The following SNX29 variants were observed in gnomAD, a reference collection of about 807,000 sequenced individuals.
SNX29 encodes sorting nexin-29.
Under a neutral mutation model 102.1 loss-of-function variants are expected in SNX29, and 78 were observed. The observed-to-expected ratio is 0.76, with a 90% confidence interval of 0.64 to 0.92. The LOEUF is 0.92. Ranked by LOEUF, SNX29 falls within the 40% of genes least tolerant of loss-of-function variation. SNX29 has a pLI of 0.00. For missense variants in SNX29, 1,280 were observed against 1,061.7 expected, an observed-to-expected ratio of 1.21 and a Z score of -2.86; for synonymous variants, 580 against 414.5, an observed-to-expected ratio of 1.40 and a Z score of -4.85.
At chr16:12,340,451 G>T (rs964157538) in intron 15 of SNX29, among the ~76,000 whole-genome samples, 2 of 152,224 alleles carry the variant, frequency 1.3e-5, no homozygotes, top group African/African-American at 4.8e-5. Flanking sequence ...TGTATCCCCA[G>T]TGTCTAGACA....
chr16:12,371,834 G>A (rs888697899), intron 16 of SNX29, among the ~76,000 whole-genome samples: 1 of 151,894 alleles, frequency 6.6e-6, no homozygotes, highest in African/African-American at 2.4e-5. Context: ...CCTGACTCTC[G>A]CCTTCGCCCT....
intron 14 of SNX29, among the ~76,000 whole-genome samples, chr16:12,247,265 A>T (rs2142349551): frequency 6.6e-6 from 1 of 152,306 alleles, no homozygotes; most frequent in Non-Finnish European, 1.5e-5. Context: ...GGGAATTAAA[A>T]TAAGTTCAAA....
intron 16 of SNX29, chr16:12,367,568 T>C (rs1423833242): frequency 6.6e-6 from 1 of 152,204 alleles, no homozygotes; most frequent in Non-Finnish European, 1.5e-5. Context: ...TACAATAAAA[T>C]GCTCCCTGGG....
At chr16:12,203,951 T>A (rs925919899) in intron 14 of SNX29, among the ~76,000 whole-genome samples, 2 of 152,214 alleles carry the variant, frequency 1.3e-5, no homozygotes, top group African/African-American at 4.8e-5. Context: ...TCCCTCACTG[T>A]CAGTCCTGTG....
At chr16:12,186,731 C>T (rs923431996) in intron 13 of SNX29, among the ~76,000 whole-genome samples, 8 of 152,086 alleles carry the variant, frequency 5.3e-5, no homozygotes, top group South Asian at 2.1e-4. Flanking sequence ...TTTTCTGGGT[C>T]CCTCTTCTGG....
intron 16 of SNX29, among the ~76,000 whole-genome samples, chr16:12,376,523 G>T (rs1290694857): frequency 6.6e-6 from 1 of 151,968 alleles, no homozygotes; most frequent in Non-Finnish European, 1.5e-5. Flanking sequence ...ATCATTTGAG[G>T]TCAGGAGTTT....
intron 14 of SNX29, among the ~76,000 whole-genome samples, chr16:12,208,944 T>G (rs927063765): frequency 1.3e-5 from 2 of 152,120 alleles, no homozygotes; most frequent in African/African-American, 4.8e-5. Context: ...GTACTTAGCT[T>G]TGTTAGGGGC....
intron 20 of SNX29, among the ~76,000 whole-genome samples, chr16:12,565,946 C>G (rs1053895875): frequency 6.6e-6 from 1 of 152,176 alleles, no homozygotes; most frequent in Non-Finnish European, 1.5e-5. Context: ...GTCTGCCCTC[C>G]CCATCCTCAA....
At chr16:12,345,585 C>T (rs778179168) in intron 15 of SNX29, among the ~76,000 whole-genome samples, 3 of 152,146 alleles carry the variant, frequency 2.0e-5, no homozygotes, top group Non-Finnish European at 4.4e-5. Context: ...AGTAAGTGCT[C>T]AGAAAACAGT....
In SNX29 at chr16:12,541,603, C is replaced by G. The variant is rs566040752; in HGVS notation, c.2318+16762C>G. The stretch of plus-strand genomic sequence containing the variant: ...GCCAGACCTCAACCCTGAGGTCACA[C>G]TCTGGGCCACATCTCTGTCGGGGTC... On this transcript the variant is annotated intron_variant, in intron 20 of 20. Coordinates refer to ENST00000566228, the MANE Select transcript of SNX29 (RefSeq NM_032167.5). Among the ~76,000 whole-genome samples, 362 of 152,302 alleles carry G rather than the reference C, an allele frequency of 2.4e-3. 1 individual carries two copies. Among genetic ancestry groups the G allele is most frequent in the Non-Finnish European group, 3.9e-3 (263 of 68,032 alleles).
In SNX29 at chr16:12,215,213, G is replaced by A. The variant is rs147068879; in HGVS notation, c.1678+15530G>A. On this transcript the variant is annotated intron_variant, in intron 14 of 20. Coordinates refer to ENST00000566228, the MANE Select transcript of SNX29 (RefSeq NM_032167.5). Reference sequence around the variant, plus strand: ...CTGAAGCTTAGAAAGGTCAGAGACCGGCTGGGCACGGCGGCTTCCACCTGT... The same window carrying A: ...CTGAAGCTTAGAAAGGTCAGAGACCAGCTGGGCACGGCGGCTTCCACCTGT... Among the ~76,000 whole-genome samples, 9 of 152,100 alleles carry A rather than the reference G, an allele frequency of 5.9e-5. 1 individual carries two copies. In the East Asian group the frequency reaches 1.3e-3, roughly 23 times the overall value.
At chr16:12,369,916 T>G (rs2082621274) in intron 16 of SNX29, among the ~76,000 whole-genome samples, 1 of 152,218 alleles carries the variant, frequency 6.6e-6, no homozygotes, top group Admixed American at 6.5e-5. Flanking sequence ...TCTTCTTATT[T>G]GAAAAAATCT....
At chr16:12,549,542 A>G (rs1342294912) in intron 20 of SNX29, among the ~76,000 whole-genome samples, 1 of 152,182 alleles carries the variant, frequency 6.6e-6, no homozygotes, top group African/African-American at 2.4e-5. Context: ...AATAGCCAGT[A>G]AGGCATGGAG....
intron 18 of SNX29, among the ~76,000 whole-genome samples, chr16:12,436,714 G>A (rs145246388): frequency 4.6e-5 from 7 of 152,342 alleles, no homozygotes; most frequent in African/African-American, 1.4e-4. Flanking sequence ...GCCCAGGCTG[G>A]AGTACAGTGG....
intron 3 of SNX29, among the ~76,000 whole-genome samples, chr16:12,003,882 C>T (rs2056372231): frequency 6.6e-6 from 1 of 151,748 alleles, no homozygotes; most frequent in South Asian, 2.1e-4. Flanking sequence ...TGGTGCACAC[C>T]TGTAGTCCCA....
chr16:12,013,500 A>AAAAAATATATATATAT, intron 3 of SNX29, among the ~76,000 whole-genome samples: 18 of 31,616 alleles, frequency 5.7e-4, no homozygotes, highest in Admixed American at 1.1e-3. Context: ...AAAAAAAAAA[A>AAAAAATATATATATAT]ATATATATAT....
intron 15 of SNX29, among the ~76,000 whole-genome samples, chr16:12,346,346 C>T (rs1202138829): frequency 1.3e-5 from 2 of 152,126 alleles, no homozygotes; most frequent in African/African-American, 4.8e-5. Context: ...GAGTACTTTA[C>T]GTAACCCTAA....
At chr16:12,319,890 C>G (rs1326564563) in intron 15 of SNX29, among the ~76,000 whole-genome samples, 1 of 152,184 alleles carries the variant, frequency 6.6e-6, no homozygotes, top group Non-Finnish European at 1.5e-5. Context: ...TGCTCGGGCT[C>G]AGCCATAATT....
chr16:12,150,207 G>A (rs1224838569), intron 13 of SNX29, among the ~76,000 whole-genome samples: 1 of 152,168 alleles, frequency 6.6e-6, no homozygotes, highest in Non-Finnish European at 1.5e-5. Context: ...GAAGTGGATA[G>A]GAGGAGGCCA....
Sources: allele counts gnomAD v4.1 joint callset (sites outside exome capture counted in the v4.1 genomes callset), GRCh38; gene constraint gnomAD v4.1.1; transcripts MANE v1.5; gene names NCBI Gene and HGNC (gene_info 2026-07-23, HGNC 2026-07-21).